The following MANSC1 variants were observed in gnomAD, a reference collection of about 807,000 sequenced individuals.
MANSC1 encodes the protein MANSC domain containing 1, also known as MANSC domain-containing protein 1.
A neutral mutation model predicts 14.1 loss-of-function variants in MANSC1; 13 were observed. The observed-to-expected ratio is 0.92, with a 90% CI of 0.60 to 1.46. MANSC1 has a LOEUF of 1.46. MANSC1 is among the 40% of genes most tolerant of loss of function. The pLI is 0.00. For synonymous variants in MANSC1, 227 were observed against 200.7 expected, an observed-to-expected ratio of 1.13 and a Z score of -1.11; for missense variants, 486 against 511.4, an observed-to-expected ratio of 0.95 and a Z score of 0.48.
intron 2 of MANSC1, among the ~76,000 whole-genome samples, chr12:12,341,900 G>T (rs1033109128): frequency 6.6e-6 from 1 of 152,244 alleles, no homozygotes; most frequent in Admixed American, 6.5e-5. Flanking sequence ...GCTGAGGCAG[G>T]AGAATCACTT....
Position 12,350,132 on chromosome 12 carries a change from C to T in MANSC1, c.-155G>A, listed in dbSNP as rs945269228. On this transcript the variant is annotated 5_prime_UTR_variant, in exon 1 of 4. Transcript: ENST00000535902. ...CTGCCATCCAGGTGCGAGGACAGCTCTGTCGCGCCCGCGGGAAGGACCGGC... is the reference window on the plus strand; with the variant it reads ...CTGCCATCCAGGTGCGAGGACAGCTTTGTCGCGCCCGCGGGAAGGACCGGC... 1 of 152,316 alleles carries T rather than the reference C, an allele frequency of 6.6e-6. No homozygotes were observed. Among genetic ancestry groups the T allele is most frequent in the Non-Finnish European group, 1.5e-5 (1 of 68,114 alleles). 9.4% of individuals were successfully genotyped at this position (152,316 alleles called of 1,614,324 possible).
intron 2 of MANSC1, among the ~76,000 whole-genome samples, chr12:12,341,360 G>A (rs1862930036): frequency 6.6e-6 from 1 of 152,166 alleles, no homozygotes; most frequent in Admixed American, 6.5e-5. Context: ...TAATTCTCTT[G>A]ACACTGGGAT....
In MANSC1 at chr12:12,332,579, G is replaced by A. The variant is rs1009992424; in HGVS notation, c.365-1621C>T. On this transcript the variant is annotated intron_variant, in intron 3 of 3. Transcript: ENST00000535902. The stretch of plus-strand genomic sequence containing the variant: ...TCTGTCGCCCAGGCTGGAGTGCAGT[G>A]GTATGATCTCGACTCACTGCAACCT... Among the ~76,000 whole-genome samples the A allele has an allele frequency of 2.6e-5, 4 of 152,108 alleles. No homozygotes were observed. The East Asian group carries it at 7.7e-4, about 29-fold the overall frequency.
At position 12,329,359 on chromosome 12, in the gene MANSC1, T is replaced by C. The variant is rs1358210960; in HGVS notation, c.*668A>G. On this transcript the variant is annotated 3_prime_UTR_variant, in exon 4 of 4. Transcript: ENST00000535902. Reference sequence around the variant, plus strand: ...CATATAAAAAGAAAAGCAAATCCATTAGAAATTGATATAAACAGTTGATTT... The same window carrying C: ...CATATAAAAAGAAAAGCAAATCCATCAGAAATTGATATAAACAGTTGATTT... 1 of 152,146 alleles carries C rather than the reference T, an allele frequency of 6.6e-6. No homozygotes were observed. 9.4% of individuals were successfully genotyped at this position (152,146 alleles called of 1,614,324 possible).
At chr12:12,345,301 C>T (rs1862996367) in intron 1 of MANSC1, among the ~76,000 whole-genome samples, 1 of 122,656 alleles carries the variant, frequency 8.2e-6, no homozygotes, top group Non-Finnish European at 1.6e-5. Context: ...GCCTGGGTGA[C>T]AAGAGCAAAA....
chr12:12,330,552 A>T lies in MANSC1; in HGVS notation c.771T>A (p.Ser257=). 1 of 1,614,216 alleles carries T rather than the reference A, an allele frequency of 6.2e-7. No homozygotes were observed. Among genetic ancestry groups the T allele is most frequent in the Non-Finnish European group, 8.5e-7 (1 of 1,180,048 alleles). The change falls in exon 4 of 4, where the codon TCT becomes TCA. Residue 257 remains serine (S), a synonymous_variant. Transcript: ENST00000535902. ...LLPTNASVTP[S]GTSQPQLATT... ...TGGCCAGCTGTGGCTGGGAAGTCCC[A>T]GAAGGTGTCACTGAAGCATTGGTGG...
intron 3 of MANSC1, among the ~76,000 whole-genome samples, chr12:12,337,723 G>C (rs929125736): frequency 3.9e-5 from 6 of 152,182 alleles, no homozygotes; most frequent in East Asian, 3.9e-4. Context: ...AAGAAAAATT[G>C]ATACTGAAAC....
rs768486936 is a variant in MANSC1, at chr12:12,330,883, G to A, written c.440C>T (p.Ser147Leu). Residue 147 changes from serine (S) to leucine (L), a missense_variant, in exon 4 of 4, where the codon TCA (serine) becomes TTA (leucine). Ser to Leu is a moderately radical substitution (Grantham distance 145). Transcript: ENST00000535902. ...QEDSLLHGQF[S>L]QAVTPLAHHH... ...ATGGGCTAGGGGAGTGACTGCTTGT[G>A]AAAATTGGCCATGTAAGAGAGAATC... The A allele has an allele frequency of 1.2e-6, 2 of 1,613,676 alleles. No individual in the cohort carries two copies. Among genetic ancestry groups the A allele is most frequent in the Admixed American group, 3.3e-5 (2 of 59,930 alleles).
chr12:12,346,117 C>G lies in MANSC1; in HGVS notation c.-100-2703G>C, dbSNP rs1214157928. ...TGAAACCCCGTCTCTACTAAAAATA[C>G]AAAAAGTTAGCTGGGCGTGGTGGCG... On this transcript the variant is annotated intron_variant, in intron 1 of 3. Transcript: ENST00000535902. Among the ~76,000 whole-genome samples, 3 of 152,230 alleles carry G rather than the reference C, an allele frequency of 2.0e-5. No homozygotes were observed. The East Asian group carries it at 5.8e-4, about 29-fold the overall frequency.
chr12:12,334,205 T>G (rs560842533), intron 3 of MANSC1, among the ~76,000 whole-genome samples: 2 of 150,090 alleles, frequency 1.3e-5, no homozygotes, highest in East Asian at 3.9e-4. Context: ...CAGTGAGCCA[T>G]GATCGCGCCG....
At chr12:12,345,585 T>C (rs564516296) in intron 1 of MANSC1, among the ~76,000 whole-genome samples, 3 of 152,314 alleles carry the variant, frequency 2.0e-5, no homozygotes, top group Admixed American at 2.0e-4. Context: ...CTGGTTCTTT[T>C]AGGAAAAATA....
intron 1 of MANSC1, among the ~76,000 whole-genome samples, chr12:12,347,398 A>G (rs1012764991): frequency 6.6e-6 from 1 of 152,230 alleles, no homozygotes; most frequent in Non-Finnish European, 1.5e-5. Context: ...GAGCTCAGGC[A>G]GTAATGCATA....
Position 12,345,492 on chromosome 12 carries a change from G to A in MANSC1, c.-100-2078C>T, listed in dbSNP as rs546394427. Among the ~76,000 whole-genome samples the A allele has an allele frequency of 3.9e-5, 6 of 152,226 alleles. No homozygotes were observed. In the South Asian group the frequency reaches 1.2e-3, roughly 32 times the overall value. On this transcript the variant is annotated intron_variant, in intron 1 of 3. Transcript: ENST00000535902. ...GAGGAATACGCTGCCTCAGTTAAAG[G>A]AAAGTTTAGGGGCAGGTTTTCTTTT...
intron 1 of MANSC1, among the ~76,000 whole-genome samples, chr12:12,345,088 C>T (rs573358710): frequency 2.6e-4 from 38 of 148,780 alleles, no homozygotes; most frequent in Non-Finnish European, 4.5e-4. Flanking sequence ...GGTCAAGTCA[C>T]GTGGGCGGAT....
chr12:12,337,280 A>G (rs1862871177), intron 3 of MANSC1, among the ~76,000 whole-genome samples: 1 of 148,484 alleles, frequency 6.7e-6, no homozygotes, highest in Non-Finnish European at 1.5e-5. Flanking sequence ...CTCTCTCAAA[A>G]AACAACAACA....
At chr12:12,332,160 C>T (rs1016803216) in intron 3 of MANSC1, among the ~76,000 whole-genome samples, 1 of 152,194 alleles carries the variant, frequency 6.6e-6, no homozygotes, top group African/African-American at 2.4e-5. Context: ...GCTAGGCTAA[C>T]CATCTCACAT....
intron 2 of MANSC1, among the ~76,000 whole-genome samples, chr12:12,342,565 T>C (rs1297949083): frequency 6.9e-6 from 1 of 144,168 alleles, no homozygotes; most frequent in Non-Finnish European, 1.5e-5. Flanking sequence ...TGTAGTTACC[T>C]AGTAGTCAGT....
rs749773741 is a variant in MANSC1 at position 12,338,917 on chromosome 12, A to ACACACACC, written c.224-358_224-357insGGTGTGTG. The ACACACACC allele has an allele frequency of 1.6e-3, 379 of 241,430 alleles. 2 individuals carry two copies. Among genetic ancestry groups the ACACACACC allele is most frequent in the African/African-American group, 7.5e-3 (321 of 42,618 alleles). The allele number at this position is 241,430 out of a possible 1,614,324, so 15.0% of individuals were successfully genotyped here. A position where few individuals can be genotyped will look rare whatever the true frequency, so the allele number is the denominator to read the frequency against. On this transcript the variant is annotated intron_variant, in intron 2 of 3. Transcript: ENST00000535902. ...CACACACACACACACACACACACACACCCCTAAGACCTGCATGTCACTTAC... is the reference window on the plus strand; with the variant it reads ...CACACACACACACACACACACACACACACACACCCCCCTAAGACCTGCATGTCACTTAC...
At position 12,330,162 on chromosome 12, in the gene MANSC1, G is replaced by T. The variant is rs372009221; in HGVS notation, c.1161C>A (p.Ile387=). The T allele has an allele frequency of 3.7e-6, 6 of 1,614,030 alleles. No homozygotes were observed. The highest frequency in any genetic ancestry group is 1.6e-4 in the Middle Eastern group (1 of 6,084). Reference sequence around the variant, plus strand: ...ACAGGACACCAAAGAGCAGGGACCCGATAAGAAGCCATTTTTCAAATGGAA... The same window carrying T: ...ACAGGACACCAAAGAGCAGGGACCCTATAAGAAGCCATTTTTCAAATGGAA... The part of the protein sequence containing the change: ...YGLPFEKWLL[I]GSLLFGVLFL... Residue 387 remains isoleucine (I), a synonymous_variant, in exon 4 of 4, where the codon ATC becomes ATA. Coordinates refer to ENST00000535902, the MANE Select transcript of MANSC1 (RefSeq NM_018050.4).
Sources: allele counts gnomAD v4.1 joint callset (sites outside exome capture counted in the v4.1 genomes callset), GRCh38; gene constraint gnomAD v4.1.1; transcripts MANE v1.5; gene names NCBI Gene and HGNC (gene_info 2026-07-23, HGNC 2026-07-21).